MAP3K21: variants seen among roughly 807,000 people sequenced by gnomAD.
MAP3K21 encodes mitogen-activated protein kinase kinase kinase MLK4.
Under a neutral mutation model 86.1 loss-of-function variants are expected in MAP3K21, and 63 were observed. The observed-to-expected ratio is 0.73, with a 90% CI of 0.60 to 0.90. MAP3K21 has a LOEUF of 0.90. Ranked by LOEUF, MAP3K21 falls within the 40% of genes least tolerant of loss-of-function variation. The pLI is 0.00. For missense variants in MAP3K21, 1,220 were observed against 1,367.7 expected (o/e 0.89, Z 1.70); for synonymous variants, 558 against 564.8 (o/e 0.99, Z 0.17).
At position 233,382,356 on chromosome 1, in the gene MAP3K21, C is replaced by G; in HGVS notation, c.2756C>G (p.Pro919Arg). 2 of 1,614,138 alleles carry G rather than the reference C, an allele frequency of 1.2e-6. No individual in the cohort carries two copies. Among genetic ancestry groups the G allele is most frequent in the African/African-American group, 2.7e-5 (2 of 75,050 alleles). Residue 919 changes from proline (P) to arginine (R), a missense_variant, in exon 10 of 10, where the codon CCC becomes CGC. Physicochemically the swap from Pro to Arg is moderately radical, Grantham distance 103. Transcript: ENST00000366624. ...GGAGCCTCTGCACTGCCACTCTGCCCCTCACCTGCTCCTCACAGTCATCTG... is the reference window on the plus strand; with the variant it reads ...GGAGCCTCTGCACTGCCACTCTGCCGCTCACCTGCTCCTCACAGTCATCTG... ...ATGASALPLC[P>R]SPAPHSHLPR...
intron 8 of MAP3K21, among the ~76,000 whole-genome samples, chr1:233,376,924 G>A (rs1013700909): frequency 2.0e-5 from 3 of 152,176 alleles, no homozygotes; most frequent in South Asian, 2.1e-4. Context: ...AATGAAACAG[G>A]TTAACTATGA....
At chr1:233,362,355 T>G (rs1663481175) in intron 5 of MAP3K21, 62 bp downstream of exon 5, 1 of 1,569,222 alleles carries the variant, frequency 6.4e-7, no homozygotes, top group African/African-American at 1.4e-5. Flanking sequence ...ATCAGTTTTC[T>G]TTGTTCATCA....
chr1:233,368,472 G>C (rs1663621273), intron 5 of MAP3K21, among the ~76,000 whole-genome samples: 2 of 152,034 alleles, frequency 1.3e-5, no homozygotes, highest in South Asian at 4.2e-4. Flanking sequence ...TGGGCAACAT[G>C]GTGAAACCCC....
intron 5 of MAP3K21, among the ~76,000 whole-genome samples, chr1:233,367,046 T>G (rs923280665): frequency 1.3e-5 from 2 of 152,242 alleles, no homozygotes; most frequent in Non-Finnish European, 2.9e-5. Flanking sequence ...TCTATATTGA[T>G]TGCTCCTTCT....
chr1:233,338,935 T>C (rs1662964474), intron 1 of MAP3K21, among the ~76,000 whole-genome samples: 1 of 152,154 alleles, frequency 6.6e-6, no homozygotes, highest in African/African-American at 2.4e-5. Flanking sequence ...AGCCCTGAGA[T>C]TGGCTGAGAT....
rs1380835623 is a variant in MAP3K21 at position 233,328,147 on chromosome 1, C to T, written c.119C>T (p.Ala40Val). 7.7e-6 allele frequency: 11 copies of T among 1,435,498 alleles called. 1 individual carries two copies. In the South Asian group the frequency reaches 9.8e-5, roughly 13 times the overall value. 88.9% of individuals were successfully genotyped at this position (1,435,498 alleles called of 1,614,324 possible). A position where few individuals can be genotyped will look rare whatever the true frequency, so the allele number is the denominator to read the frequency against. ...TCGGGCGGCTCGGCCTCGGCGGGCGCGGGGCTGTGGGCCGCGCTCTATGAC... is the reference window on the plus strand; with the variant it reads ...TCGGGCGGCTCGGCCTCGGCGGGCGTGGGGCTGTGGGCCGCGCTCTATGAC... Reference protein sequence around the residue: ...TSSGGSASAGAGLWAALYDYE... With the variant: ...TSSGGSASAGVGLWAALYDYE... The change falls in exon 1 of 10, where the codon GCG (alanine) becomes GTG (valine). Residue 40 changes from alanine (A) to valine (V), a missense_variant. Around this residue, in one of 5 missense-constraint regions of MAP3K21, gnomAD observed 369 missense variants for 385.3 expected, o/e 0.96. Transcript: ENST00000366624. The surrounding 1 kb of genome is among the most constrained non-coding windows in gnomAD (Gnocchi z 8.7).
intron 1 of MAP3K21, among the ~76,000 whole-genome samples, chr1:233,341,686 T>A (rs1663042458): frequency 6.6e-6 from 1 of 152,186 alleles, no homozygotes; most frequent in Non-Finnish European, 1.5e-5. Context: ...AGAGCAGACT[T>A]TCTTTGACCT....
At position 233,376,523 on chromosome 1, in the gene MAP3K21, G is replaced by A; in HGVS notation, c.1920G>A (p.Gln640=). ...CCTTGGCTTCATTGTTTGTGGACCA[G>A]CCAGGTAAATGTGTTTCAGGAGGTA... The part of the protein sequence containing the change: ...TMPLASLFVD[Q]PGSCEEPKLS... The change falls in exon 8 of 10, where the codon CAG becomes CAA. Residue 640 remains glutamine, a synonymous_variant. Transcript: ENST00000366624. 6.2e-7 allele frequency: 1 copy of A among 1,609,220 alleles called. No individual in the cohort carries two copies. The highest frequency in any genetic ancestry group is 1.1e-5 in the South Asian group (1 of 90,740).
At chr1:233,343,923 C>T (rs77512423) in intron 1 of MAP3K21, among the ~76,000 whole-genome samples, 2,116 of 152,304 alleles carry the variant, frequency 0.014, 55 homozygotes, top group African/African-American at 0.048. Context: ...CAGATACCCT[C>T]TCCTCTTTCT....
chr1:233,367,817 C>T (rs766903320), intron 5 of MAP3K21, among the ~76,000 whole-genome samples: 28 of 151,196 alleles, frequency 1.9e-4, no homozygotes, highest in Admixed American at 4.0e-4. Context: ...TGAGATCTCG[C>T]CACTGCACTC....
chr1:233,365,872 C>G (rs1014895619), intron 5 of MAP3K21, among the ~76,000 whole-genome samples: 1 of 152,028 alleles, frequency 6.6e-6, no homozygotes, highest in African/African-American at 2.4e-5. Flanking sequence ...ATCTGTATAT[C>G]AAAGGGATGT....
At position 233,362,256 on chromosome 1, in the gene MAP3K21, A is replaced by T. The variant is rs1415030527; in HGVS notation, c.1515A>T (p.Leu505Phe). The T allele has an allele frequency of 6.2e-7, 1 of 1,614,132 alleles. No individual in the cohort carries two copies. The highest frequency in any genetic ancestry group is 8.5e-7 in the Non-Finnish European group (1 of 1,180,054). ...KRKGKFKRSR[L>F]KLKDGHRISL... ...AGGGCAAGTTTAAGAGAAGTCGTTT[A>T]AAGCTCAAAGATGGACATCGAATCA... The change falls in exon 5 of 10, where the codon TTA becomes TTT. Residue 505 changes from leucine to phenylalanine, a missense_variant. Transcript: ENST00000366624.
At chr1:233,355,104 T>C in intron 4 of MAP3K21, 93 bp downstream of exon 4, 1 of 860,190 alleles carries the variant, frequency 1.2e-6, no homozygotes, top group Non-Finnish European at 1.7e-6. Context: ...TATTCAAAAA[T>C]ATCTTTAGAT....
At chr1:233,372,415 A>G (rs564622482) in intron 6 of MAP3K21, 2 of 434,792 alleles carry the variant, frequency 4.6e-6, no homozygotes, top group South Asian at 1.6e-4. Context: ...AAAGTGAAAC[A>G]CCACATCTCG....
intron 3 of MAP3K21, among the ~76,000 whole-genome samples, 153 bp downstream of exon 3, chr1:233,354,108 G>A (rs1260251180): frequency 6.6e-6 from 1 of 152,162 alleles, no homozygotes; most frequent in African/African-American, 2.4e-5. Flanking sequence ...CCTAGTCTTT[G>A]ATCTGGAATG....
intron 2 of MAP3K21, among the ~76,000 whole-genome samples, chr1:233,350,934 A>G (rs975608151): frequency 6.6e-6 from 1 of 152,166 alleles, no homozygotes; most frequent in Admixed American, 6.5e-5. Flanking sequence ...TTCTTTTCAC[A>G]TTGGTTTTTC....
intron 4 of MAP3K21, among the ~76,000 whole-genome samples, chr1:233,358,084 T>A (rs139266344): frequency 3.2e-4 from 48 of 151,390 alleles, no homozygotes; most frequent in African/African-American, 1.1e-3. Flanking sequence ...ATACTTTAAG[T>A]TCTAGGTGTG....
At position 233,376,341 on chromosome 1, in the gene MAP3K21, T is replaced by G. The variant is rs1260309056; in HGVS notation, c.1827-89T>G. The G allele has an allele frequency of 1.1e-5, 11 of 956,780 alleles. No individual in the cohort carries two copies. In the South Asian group the frequency reaches 1.6e-4, roughly 14 times the overall value. The allele number at this position is 956,780 out of a possible 1,614,324, so 59.3% of individuals were successfully genotyped here. A position where few individuals can be genotyped will look rare whatever the true frequency, so the allele number is the denominator to read the frequency against. On this transcript the variant is annotated intron_variant, in intron 7 of 9. Coordinates refer to ENST00000366624, the MANE Select transcript of MAP3K21 (RefSeq NM_032435.3). ...GTACAAATGTGTTCTCTTTACTACC[T>G]TAAAAATATTGTTGGTCTGTATCCA...
intron 4 of MAP3K21, 92 bp from the exon 5 acceptor site, chr1:233,361,961 C>G: frequency 6.9e-7 from 1 of 1,453,518 alleles, no homozygotes; most frequent in Non-Finnish European, 9.2e-7. Flanking sequence ...CAGGAGGAGC[C>G]CGTGGCCGAG....
Sources: allele counts gnomAD v4.1 joint callset (sites outside exome capture counted in the v4.1 genomes callset), GRCh38; gene constraint gnomAD v4.1.1; regional missense constraint gnomAD v4.1.1; non-coding constraint Gnocchi (gnomAD v3.1); transcripts MANE v1.5; gene names NCBI Gene and HGNC (gene_info 2026-07-23, HGNC 2026-07-21).